The following CLNK variants were observed in gnomAD, a reference collection of about 807,000 sequenced individuals.
CLNK encodes the protein cytokine dependent hematopoietic cell linker, also known as cytokine-dependent hematopoietic cell linker.
CLNK carries 74 observed loss-of-function variants against 68.6 expected under a neutral mutation model. The ratio of observed to expected loss-of-function variants is 1.08; its 90% CI spans 0.89 to 1.31. CLNK has a LOEUF of 1.31. Ranked by LOEUF, CLNK falls within the 50% of genes most tolerant of loss-of-function variation. The pLI, the probability that CLNK is intolerant of heterozygous loss-of-function variation, is 0.00. For synonymous variants in CLNK, 198 were observed against 172.2 expected (o/e 1.15, Z -1.17); for missense variants, 553 against 515.3 (o/e 1.07, Z -0.71).
At chr4:10,677,048 C>G (rs1316548788) in intron 1 of CLNK, among the ~76,000 whole-genome samples, 1 of 149,880 alleles carries the variant, frequency 6.7e-6, no homozygotes, top group Non-Finnish European at 1.5e-5. Context: ...CACTTCTAGG[C>G]CTGGATTAAA....
At chr4:10,685,445 G>A (rs1477374022), upstream of CLNK, among the ~76,000 whole-genome samples, 1 of 152,038 alleles carries the variant, frequency 6.6e-6, no homozygotes. Context: ...TGTAAATAAA[G>A]GCATGCAGTA....
At chr4:10,591,856 G>C (rs759613870) in intron 3 of CLNK, among the ~76,000 whole-genome samples, 1 of 152,222 alleles carries the variant, frequency 6.6e-6, no homozygotes, top group Non-Finnish European at 1.5e-5. Flanking sequence ...TTTCTAGAAG[G>C]CATTCCCTAT....
At chr4:10,504,560 C>A (rs1717210164) in intron 17 of CLNK, among the ~76,000 whole-genome samples, 1 of 152,176 alleles carries the variant, frequency 6.6e-6, no homozygotes. Flanking sequence ...AAAGCCAAAC[C>A]AAATTCTCAC....
chr4:10,609,931 T>C (rs1424070975), intron 2 of CLNK, among the ~76,000 whole-genome samples: 1 of 151,980 alleles, frequency 6.6e-6, no homozygotes, highest in African/African-American at 2.4e-5. Context: ...CTGCAGCTTC[T>C]GGCTCCATGT....
the CLNK span, among the ~76,000 whole-genome samples, chr4:10,691,783 A>C: frequency 6.6e-6 from 1 of 152,182 alleles, no homozygotes; most frequent in South Asian, 2.1e-4. Flanking sequence ...AAACTGGTTG[A>C]ATTTAGGCCT....
At chr4:10,692,565 C>A in the CLNK span, among the ~76,000 whole-genome samples, 12 of 152,186 alleles carry the variant, frequency 7.9e-5, no homozygotes, top group South Asian at 1.7e-3. Flanking sequence ...AGACTAAGAT[C>A]CTAAGAAGGA....
intron 2 of CLNK, among the ~76,000 whole-genome samples, chr4:10,667,186 G>T (rs931058299): frequency 2.6e-5 from 4 of 152,152 alleles, no homozygotes; most frequent in Non-Finnish European, 5.9e-5. Context: ...TGAAACTCCT[G>T]CTCTTTCTAA....
intron 11 of CLNK, among the ~76,000 whole-genome samples, chr4:10,534,163 T>C (rs1718654419): frequency 6.6e-6 from 1 of 152,232 alleles, no homozygotes; most frequent in Non-Finnish European, 1.5e-5. Flanking sequence ...GTGCACTTTA[T>C]AGATGGAAAT....
At chr4:10,615,576 A>G (rs1722199196) in intron 2 of CLNK, among the ~76,000 whole-genome samples, 1 of 152,140 alleles carries the variant, frequency 6.6e-6, no homozygotes, top group Non-Finnish European at 1.5e-5. Flanking sequence ...AAAGAAGAGC[A>G]AAGAAGAGCC....
At chr4:10,592,796 G>C (rs970015983) in intron 3 of CLNK, among the ~76,000 whole-genome samples, 2 of 152,044 alleles carry the variant, frequency 1.3e-5, no homozygotes, top group Admixed American at 1.3e-4. Flanking sequence ...GGTGATGTCA[G>C]CTCACTGCAA....
rs185585409 is a variant in CLNK, at chr4:10,563,373, T to A, written c.399+1298A>T. 9.8e-5 allele frequency among the ~76,000 whole-genome samples: 15 copies of A among 152,290 alleles called. No homozygotes were observed. In the East Asian group the frequency reaches 2.3e-3, roughly 23 times the overall value. ...TTCTGGGATGGTAAATGGAAACAAT[T>A]TTTTAGAAAGGAAATTTTACAATAC... On this transcript the variant is annotated intron_variant, in intron 7 of 18. Coordinates refer to ENST00000226951, the MANE Select transcript of CLNK (RefSeq NM_052964.4).
chr4:10,721,191 G>C, the CLNK span, among the ~76,000 whole-genome samples: 1 of 140,624 alleles, frequency 7.1e-6, no homozygotes, highest in Admixed American at 7.1e-5. Context: ...GAGGGAGTTG[G>C]GGGCTGGAGG....
chr4:10,584,350 C>T (rs116609001), intron 4 of CLNK, among the ~76,000 whole-genome samples: 71 of 152,310 alleles, frequency 4.7e-4, no homozygotes, highest in African/African-American at 1.6e-3. Context: ...TCATTCCAGT[C>T]ATTCTATCTA....
intron 3 of CLNK, among the ~76,000 whole-genome samples, chr4:10,588,530 C>T (rs1045225900): frequency 1.3e-5 from 2 of 152,156 alleles, no homozygotes; most frequent in Admixed American, 6.5e-5. Flanking sequence ...AACTCGTATT[C>T]GTGAGCACCT....
the CLNK span, among the ~76,000 whole-genome samples, chr4:10,733,372 G>C: frequency 6.6e-6 from 1 of 152,100 alleles, no homozygotes; most frequent in Non-Finnish European, 1.5e-5. Context: ...CATCAGTCCT[G>C]GGCCAGGTGA....
the CLNK span, among the ~76,000 whole-genome samples, chr4:10,709,203 T>A: frequency 6.6e-6 from 1 of 152,200 alleles, no homozygotes; most frequent in Non-Finnish European, 1.5e-5. Context: ...CTTGAAAGAC[T>A]CAAAAAACTT....
upstream of CLNK, among the ~76,000 whole-genome samples, chr4:10,686,644 C>G (rs1478597325): frequency 6.7e-6 from 1 of 150,026 alleles, no homozygotes; most frequent in East Asian, 1.9e-4. Context: ...TGCCATGGTC[C>G]CATTGGCCAA....
At position 10,680,030 on chromosome 4, in the gene CLNK, G is replaced by A. The variant is rs537294817; in HGVS notation, c.-43+4638C>T. Among the ~76,000 whole-genome samples the A allele has an allele frequency of 9.9e-5, 15 of 152,150 alleles. No individual in the cohort carries two copies. In the East Asian group the frequency reaches 2.9e-3, roughly 29 times the overall value. Reference sequence around the variant, plus strand: ...TCTCATTACTGGATATATACCCAAAGGATTATAAATCATGCTGCTATAAAG... The same window carrying A: ...TCTCATTACTGGATATATACCCAAAAGATTATAAATCATGCTGCTATAAAG... On this transcript the variant is annotated intron_variant, in intron 1 of 18. Coordinates refer to ENST00000226951, the MANE Select transcript of CLNK (RefSeq NM_052964.4).
At chr4:10,558,916 A>C (rs1293984740) in intron 7 of CLNK, among the ~76,000 whole-genome samples, 1 of 152,146 alleles carries the variant, frequency 6.6e-6, no homozygotes, top group Non-Finnish European at 1.5e-5. Context: ...CTGTGAGAAC[A>C]TGACAAATTA....
Sources: allele counts gnomAD v4.1 joint callset (sites outside exome capture counted in the v4.1 genomes callset), GRCh38; gene constraint gnomAD v4.1.1; transcripts MANE v1.5; gene names NCBI Gene and HGNC (gene_info 2026-07-23, HGNC 2026-07-21).